LPGAT1: variants seen among roughly 807,000 people sequenced by gnomAD.
The protein encoded by LPGAT1 is acyl-CoA:lysophosphatidylglycerol acyltransferase 1.
LPGAT1 carries 11 observed loss-of-function variants against 47.5 expected under a neutral mutation model. The observed-to-expected ratio is 0.23, with a 90% CI of 0.15 to 0.38. The LOEUF is 0.38. Among genes scored for constraint, LPGAT1 ranks in the 10% least tolerant of loss-of-function variants. The pLI is 1.00. For synonymous variants in LPGAT1, 138 were observed against 144.2 expected, an observed-to-expected ratio of 0.96 and a Z score of 0.31; for missense variants, 293 against 439.0, an observed-to-expected ratio of 0.67 and a Z score of 2.97.
chr1:211,784,402 G>C (rs1327104278), intron 4 of LPGAT1, among the ~76,000 whole-genome samples: 1 of 151,332 alleles, frequency 6.6e-6, no homozygotes, highest in Non-Finnish European at 1.5e-5. Flanking sequence ...GAGGCAGGAG[G>C]ATCACTTGTG....
At position 211,744,609 on chromosome 1, in the gene LPGAT1, T is replaced by A. The variant is rs1352607959; in HGVS notation, c.*5290A>T. Reference sequence around the variant, plus strand: ...TTCTTTCCTGAGCAACTAAGTATACTGTGAGAATCAACTGGCTATATGGGA... The same window carrying A: ...TTCTTTCCTGAGCAACTAAGTATACAGTGAGAATCAACTGGCTATATGGGA... On this transcript the variant is annotated 3_prime_UTR_variant, in exon 8 of 8. Coordinates refer to ENST00000366997, the MANE Select transcript of LPGAT1 (RefSeq NM_014873.3). 1 of 152,238 alleles carries A rather than the reference T, an allele frequency of 6.6e-6. No individual in the cohort carries two copies. The highest frequency in any genetic ancestry group is 1.9e-4 in the East Asian group (1 of 5,208). The allele number at this position is 152,238 out of a possible 1,614,324, so 9.4% of individuals were successfully genotyped here.
chr1:211,770,857 G>A (rs919801667), intron 6 of LPGAT1, among the ~76,000 whole-genome samples: 12 of 152,068 alleles, frequency 7.9e-5, no homozygotes, highest in Admixed American at 3.9e-4. Context: ...AGCACTTTGG[G>A]AGGCCAAGGT....
chr1:211,749,231 T>C lies in LPGAT1; in HGVS notation c.*668A>G, dbSNP rs1459643736. ...CTCTGATACAAAATGAGAAGTCAGA[T>C]AAGGAAAAGCACGAGTGTATGTAAA... On this transcript the variant is annotated 3_prime_UTR_variant, in exon 8 of 8. Coordinates refer to ENST00000366997, the MANE Select transcript of LPGAT1 (RefSeq NM_014873.3). 1 of 152,680 alleles carries C rather than the reference T, an allele frequency of 6.5e-6. No individual in the cohort carries two copies. The highest frequency in any genetic ancestry group is 1.5e-5 in the Non-Finnish European group (1 of 68,050). 9.5% of individuals were successfully genotyped at this position (152,680 alleles called of 1,614,324 possible). A position where few individuals can be genotyped will look rare whatever the true frequency, so the allele number is the denominator to read the frequency against.
At chr1:211,810,961 G>A in intron 2 of LPGAT1, among the ~76,000 whole-genome samples, 1 of 152,176 alleles carries the variant, frequency 6.6e-6, no homozygotes, top group East Asian at 1.9e-4. Flanking sequence ...GACAACAGAG[G>A]GAAGTAGGCT....
At chr1:211,770,425 G>C (rs1431188112) in intron 6 of LPGAT1, among the ~76,000 whole-genome samples, 1 of 152,034 alleles carries the variant, frequency 6.6e-6, no homozygotes, top group Non-Finnish European at 1.5e-5. Flanking sequence ...AAGTCTTTGT[G>C]TCTTTTGTAC....
chr1:211,771,703 C>T (rs1161093671), intron 6 of LPGAT1, among the ~76,000 whole-genome samples: 1 of 151,938 alleles, frequency 6.6e-6, no homozygotes, highest in African/African-American at 2.4e-5. Flanking sequence ...GGGGTTACCA[C>T]ATTGGCCAGG....
chr1:211,765,263 T>A (rs1657860270), intron 6 of LPGAT1, among the ~76,000 whole-genome samples: 1 of 152,238 alleles, frequency 6.6e-6, no homozygotes, highest in African/African-American at 2.4e-5. Context: ...TCCCCAAATG[T>A]TAATATTTCT....
chr1:211,828,292 A>G (rs1660604357), intron 2 of LPGAT1, among the ~76,000 whole-genome samples: 1 of 152,230 alleles, frequency 6.6e-6, no homozygotes, highest in East Asian at 1.9e-4. Context: ...AAATAAATAC[A>G]ATAAACGATA....
chr1:211,824,617 C>A (rs971114371), intron 2 of LPGAT1, among the ~76,000 whole-genome samples: 2 of 152,160 alleles, frequency 1.3e-5, no homozygotes, highest in Admixed American at 6.5e-5. Flanking sequence ...TAGAACAATG[C>A]CTCTCAAATG....
intron 2 of LPGAT1, among the ~76,000 whole-genome samples, chr1:211,796,379 C>A (rs1659351698): frequency 6.6e-6 from 1 of 152,092 alleles, no homozygotes; most frequent in Admixed American, 6.6e-5. Flanking sequence ...CAGAGAGACA[C>A]ACAGGGAGAC....
chr1:211,762,260 A>C (rs1185829631), intron 6 of LPGAT1, among the ~76,000 whole-genome samples: 1 of 152,368 alleles, frequency 6.6e-6, no homozygotes, highest in East Asian at 1.9e-4. Flanking sequence ...ATAAGGCTGA[A>C]TTAAACCGAG....
intron 2 of LPGAT1, among the ~76,000 whole-genome samples, chr1:211,801,722 G>C (rs979249636): frequency 6.6e-6 from 1 of 150,908 alleles, no homozygotes; most frequent in Non-Finnish European, 1.5e-5. Flanking sequence ...AAAAGGGAAG[G>C]GGAGGGGAGG....
intron 2 of LPGAT1, among the ~76,000 whole-genome samples, chr1:211,821,719 G>A (rs757590793): frequency 2.6e-4 from 39 of 152,024 alleles, no homozygotes; most frequent in Admixed American, 4.6e-4. Context: ...GAAGACACAA[G>A]GATTAAAAAG....
chr1:211,816,490 C>T (rs777018824), intron 2 of LPGAT1, among the ~76,000 whole-genome samples: 53 of 152,064 alleles, frequency 3.5e-4, no homozygotes, highest in Middle Eastern at 3.2e-3. Flanking sequence ...ATTCAGACTA[C>T]GGCCTAAATT....
intron 6 of LPGAT1, among the ~76,000 whole-genome samples, chr1:211,773,826 C>A (rs1303244404): frequency 2.0e-5 from 3 of 152,152 alleles, no homozygotes; most frequent in Non-Finnish European, 4.4e-5. Flanking sequence ...GGAAAAAGTT[C>A]TTTACTCTCA....
chr1:211,753,341 G>A (rs1369482604), intron 6 of LPGAT1, among the ~76,000 whole-genome samples: 1 of 152,040 alleles, frequency 6.6e-6, no homozygotes, highest in African/African-American at 2.4e-5. Context: ...GCTAGATATA[G>A]GATTCAAGGT....
intron 5 of LPGAT1, among the ~76,000 whole-genome samples, chr1:211,779,345 T>C (rs1446270608): frequency 6.6e-6 from 1 of 152,064 alleles, no homozygotes; most frequent in Non-Finnish European, 1.5e-5. Context: ...AACACTCCTA[T>C]AAAAAACTAA....
At chr1:211,751,280 A>C (rs1657168205) in intron 6 of LPGAT1, among the ~76,000 whole-genome samples, 2 of 152,252 alleles carry the variant, frequency 1.3e-5, no homozygotes, top group South Asian at 4.1e-4. Context: ...AACATTTACT[A>C]GTCTACTATG....
chr1:211,793,269 T>C (rs1259561061), intron 2 of LPGAT1, 79 bp from the exon 3 acceptor site: 3 of 858,962 alleles, frequency 3.5e-6, no homozygotes, highest in Non-Finnish European at 5.6e-6. Context: ...GAAAAAATGA[T>C]GTATATTAAT....
Sources: allele counts gnomAD v4.1 joint callset (sites outside exome capture counted in the v4.1 genomes callset), GRCh38; gene constraint gnomAD v4.1.1; transcripts MANE v1.5; gene names NCBI Gene and HGNC (gene_info 2026-07-23, HGNC 2026-07-21).